ZNF503: variants seen among roughly 807,000 people sequenced by gnomAD.
ZNF503 encodes zinc finger protein 503.
In ZNF503, 15 loss-of-function variants were observed where a neutral mutation model predicts 34.4. The observed-to-expected ratio is 0.44, with a 90% CI of 0.29 to 0.67. The LOEUF (loss-of-function observed/expected upper bound fraction) is 0.67. ZNF503 is among the 30% of genes least tolerant of loss of function. The pLI is 0.13. For missense variants in ZNF503, 1,007 were observed against 926.8 expected, an observed-to-expected ratio of 1.09 and a Z score of -1.12; for synonymous variants, 580 against 456.8, an observed-to-expected ratio of 1.27 and a Z score of -3.44.
the ZNF503 span, among the ~76,000 whole-genome samples, chr10:75,286,452 T>C: frequency 2.0e-4 from 30 of 152,224 alleles, no homozygotes; most frequent in Non-Finnish European, 3.5e-4. Context: ...GCATGGGTCA[T>C]GTTCCCGTGG....
At chr10:75,310,376 A>C in the ZNF503 span, among the ~76,000 whole-genome samples, 147 of 152,342 alleles carry the variant, frequency 9.6e-4, no homozygotes, top group Middle Eastern at 3.4e-3. Context: ...ATTGCCAAAG[A>C]GCGTAGACTA....
the ZNF503 span, among the ~76,000 whole-genome samples, chr10:75,293,039 G>A: frequency 6.6e-6 from 1 of 152,218 alleles, no homozygotes; most frequent in Admixed American, 6.5e-5. Context: ...GCAGGGATAG[G>A]TGTTAAATAC....
the ZNF503 span, among the ~76,000 whole-genome samples, chr10:75,329,434 C>CCTTCCTTT: frequency 2.7e-4 from 24 of 87,458 alleles, no homozygotes; most frequent in East Asian, 1.4e-3. Flanking sequence ...TTCCTTCCTT[C>CCTTCCTTT]CTTTCTTTCT....
the ZNF503 span, among the ~76,000 whole-genome samples, chr10:75,318,117 T>C: frequency 6.6e-6 from 1 of 152,218 alleles, no homozygotes; most frequent in East Asian, 1.9e-4. Context: ...GTGATAGATA[T>C]GTTACTTAGT....
At chr10:75,311,931 A>G in the ZNF503 span, among the ~76,000 whole-genome samples, 2 of 151,598 alleles carry the variant, frequency 1.3e-5, no homozygotes, top group Non-Finnish European at 2.9e-5. Context: ...TTTTAGTAGA[A>G]GTGGGGTTTT....
chr10:75,328,741 C>T, the ZNF503 span, among the ~76,000 whole-genome samples: 25 of 87,842 alleles, frequency 2.8e-4, no homozygotes, highest in African/African-American at 1.2e-3. Context: ...CATGAAATGT[C>T]TTTTCTTTTT....
the ZNF503 span, among the ~76,000 whole-genome samples, chr10:75,370,294 C>A: frequency 2.0e-5 from 3 of 152,130 alleles, no homozygotes; most frequent in African/African-American, 7.2e-5. Flanking sequence ...AATGGCCACC[C>A]TACCCCTTCA....
At chr10:75,284,473 G>A in the ZNF503 span, among the ~76,000 whole-genome samples, 1 of 152,060 alleles carries the variant, frequency 6.6e-6, no homozygotes, top group Non-Finnish European at 1.5e-5. Context: ...AGGACAGGAA[G>A]GGAGCAAAGC....
chr10:75,306,793 T>G, the ZNF503 span, among the ~76,000 whole-genome samples: 2 of 152,232 alleles, frequency 1.3e-5, no homozygotes, highest in South Asian at 4.1e-4. Context: ...TGGCGATCTG[T>G]GATCAATGAT....
chr10:75,377,734 A>C, the ZNF503 span, among the ~76,000 whole-genome samples: 3 of 152,210 alleles, frequency 2.0e-5, no homozygotes, highest in Non-Finnish European at 4.4e-5. Flanking sequence ...TGCAGGGAAT[A>C]CCATTGTGCA....
the ZNF503 span, among the ~76,000 whole-genome samples, chr10:75,318,727 T>C: frequency 7.5e-6 from 1 of 132,478 alleles, no homozygotes; most frequent in Non-Finnish European, 1.6e-5. Flanking sequence ...TCTAAAAAAA[T>C]AGCTAAAGGA....
the ZNF503 span, among the ~76,000 whole-genome samples, chr10:75,390,968 G>C: frequency 6.6e-6 from 1 of 152,152 alleles, no homozygotes; most frequent in Non-Finnish European, 1.5e-5. Context: ...CTATGCATTG[G>C]TTGGGGGTGG....
the ZNF503 span, among the ~76,000 whole-genome samples, chr10:75,351,188 T>A: frequency 2.0e-5 from 3 of 151,988 alleles, no homozygotes; most frequent in Admixed American, 2.0e-4. Context: ...TTTTTTCTTT[T>A]TTGAGATGGA....
At chr10:75,380,099 G>A in the ZNF503 span, among the ~76,000 whole-genome samples, 4 of 152,196 alleles carry the variant, frequency 2.6e-5, no homozygotes, top group South Asian at 8.3e-4. Context: ...GACTGACCTG[G>A]CAGTAGAGAC....
the ZNF503 span, among the ~76,000 whole-genome samples, chr10:75,345,502 G>C: frequency 6.6e-6 from 1 of 151,838 alleles, no homozygotes; most frequent in Non-Finnish European, 1.5e-5. Flanking sequence ...AGGCGTTGTG[G>C]TGGGTGCCTG....
Position 75,399,763 on chromosome 10 carries a change from C to G in ZNF503, c.927G>C (p.Ser309=), listed in dbSNP as rs1455460849. Residue 309 remains serine, a synonymous_variant, in exon 2 of 2, where the codon TCG becomes TCC. Transcript: ENST00000372524. ...DGGPGGKALG[S]DCGGSSGSSS... is the part of the protein sequence containing the mutation. Reference sequence around the variant, plus strand: ...TGGAGCCCGATGAACCGCCGCAGTCCGAGCCCAGAGCCTTGCCTCCCGGGC... The same window carrying G: ...TGGAGCCCGATGAACCGCCGCAGTCGGAGCCCAGAGCCTTGCCTCCCGGGC... 31 of 1,592,852 alleles carry G rather than the reference C, an allele frequency of 1.9e-5. No individual in the cohort carries two copies. Among genetic ancestry groups the G allele is most frequent in the Non-Finnish European group, 2.6e-5 (30 of 1,173,710 alleles).
At chr10:75,369,128 A>C in the ZNF503 span, among the ~76,000 whole-genome samples, 5 of 152,242 alleles carry the variant, frequency 3.3e-5, no homozygotes, top group African/African-American at 1.2e-4. Flanking sequence ...CAGTGGGTAT[A>C]GTATGATCTC....
chr10:75,353,695 G>C, the ZNF503 span, among the ~76,000 whole-genome samples: 1 of 152,146 alleles, frequency 6.6e-6, no homozygotes, highest in African/African-American at 2.4e-5. Flanking sequence ...CCTCCCAAAC[G>C]GGCAGCTCAC....
the ZNF503 span, among the ~76,000 whole-genome samples, chr10:75,348,615 C>G: frequency 6.6e-6 from 1 of 150,512 alleles, no homozygotes; most frequent in Non-Finnish European, 1.5e-5. Context: ...GGGTTCACAC[C>G]ATTCTCCTGC....
Sources: gnomAD v4.1 joint callset for allele counts (sites outside exome capture counted in the v4.1 genomes callset) on GRCh38, gnomAD v4.1.1 for gene constraint, MANE v1.5 for transcripts, NCBI Gene and HGNC (gene_info 2026-07-23, HGNC 2026-07-21) for gene names.